PHACTR1: variants seen among roughly 807,000 people sequenced by gnomAD.
PHACTR1 encodes the protein phosphatase and actin regulator 1, also known as RPEL repeat containing 1.
PHACTR1 carries 16 observed loss-of-function variants against 69.2 expected under a neutral mutation model. The ratio of observed to expected loss-of-function variants is 0.23; its 90% CI spans 0.16 to 0.35. The LOEUF (loss-of-function observed/expected upper bound fraction) is 0.35, where lower values mean the gene tolerates loss of function less well. PHACTR1 is among the 10% of genes least tolerant of loss of function. The probability of loss-of-function intolerance (pLI) is 1.00; values close to 1 mark genes in which losing one functional copy is unlikely to be tolerated. For synonymous variants in PHACTR1, 312 were observed against 284.5 expected (o/e 1.10, Z -0.97); for missense variants, 510 against 734.7 (o/e 0.69, Z 3.54).
At chr6:13,006,905 C>T (rs1037060153) in intron 4 of PHACTR1, among the ~76,000 whole-genome samples, 1 of 152,218 alleles carries the variant, frequency 6.6e-6, no homozygotes, top group African/African-American at 2.4e-5. Flanking sequence ...AATGGCCCCA[C>T]TCACAAAGGG....
chr6:12,752,378 T>C (rs905795057), intron 4 of PHACTR1, among the ~76,000 whole-genome samples: 1 of 152,228 alleles, frequency 6.6e-6, no homozygotes, highest in African/African-American at 2.4e-5. Context: ...GATAATTTTG[T>C]TTATGTCTTA....
At chr6:12,741,698 T>A (rs951699035) in intron 3 of PHACTR1, among the ~76,000 whole-genome samples, 1 of 152,060 alleles carries the variant, frequency 6.6e-6, no homozygotes, top group Non-Finnish European at 1.5e-5. Flanking sequence ...TTTACTCTTA[T>A]TTGTCAAGAT....
chr6:13,196,342 G>A (rs1764409514), intron 7 of PHACTR1, among the ~76,000 whole-genome samples: 1 of 152,052 alleles, frequency 6.6e-6, no homozygotes, highest in South Asian at 2.1e-4. Context: ...ATCCCAGGAA[G>A]GTTAGATGTC....
chr6:12,781,631 G>A (rs1770833560), intron 4 of PHACTR1, among the ~76,000 whole-genome samples: 1 of 152,204 alleles, frequency 6.6e-6, no homozygotes, highest in South Asian at 2.1e-4. Context: ...CACAGGGAGG[G>A]AGATGCCACA....
chr6:13,142,152 A>G (rs1298151322), intron 5 of PHACTR1, among the ~76,000 whole-genome samples: 1 of 152,208 alleles, frequency 6.6e-6, no homozygotes, highest in Non-Finnish European at 1.5e-5. Context: ...GAAATTTAAG[A>G]AGAAAAAAGA....
At chr6:13,254,467 G>T (rs1774911439) in intron 10 of PHACTR1, among the ~76,000 whole-genome samples, 1 of 152,172 alleles carries the variant, frequency 6.6e-6, no homozygotes, top group South Asian at 2.1e-4. Flanking sequence ...GCCATTATCT[G>T]TCACTGTTGA....
At chr6:13,017,185 C>CAAAAAAA (rs5874397) in intron 4 of PHACTR1, among the ~76,000 whole-genome samples, 1 of 77,214 alleles carries the variant, frequency 1.3e-5, no homozygotes, top group African/African-American at 6.2e-5. Flanking sequence ...GACTCTGTCT[C>CAAAAAAA]AAAAAAAAAA....
At chr6:13,085,440 GA>G (rs548661687) in intron 5 of PHACTR1, among the ~76,000 whole-genome samples, 87 of 152,138 alleles carry the variant, frequency 5.7e-4, no homozygotes, top group African/African-American at 2.0e-3. Flanking sequence ...TTTTTTAGAA[GA>G]ATGCTAATTT....
At chr6:13,068,724 A>G (rs1320781546) in intron 5 of PHACTR1, among the ~76,000 whole-genome samples, 2 of 152,238 alleles carry the variant, frequency 1.3e-5, no homozygotes, top group African/African-American at 4.8e-5. Flanking sequence ...GTGAGCAAAC[A>G]CAATGGCCAC....
intron 5 of PHACTR1, among the ~76,000 whole-genome samples, chr6:13,138,888 A>G (rs978650107): frequency 7.9e-5 from 12 of 152,152 alleles, no homozygotes; most frequent in African/African-American, 2.9e-4. Context: ...GTCTCCTGAC[A>G]TTTTCTTGTT....
chr6:12,929,710 T>C (rs1017134545), intron 4 of PHACTR1, among the ~76,000 whole-genome samples: 2 of 152,224 alleles, frequency 1.3e-5, no homozygotes, highest in African/African-American at 4.8e-5. Context: ...CTGGAACTTC[T>C]TCACTGTGTT....
intron 7 of PHACTR1, among the ~76,000 whole-genome samples, chr6:13,200,612 G>T (rs987448206): frequency 6.6e-6 from 1 of 152,224 alleles, no homozygotes; most frequent in Non-Finnish European, 1.5e-5. Context: ...AAAGTAAGAG[G>T]CCAAGAGTTA....
intron 4 of PHACTR1, among the ~76,000 whole-genome samples, chr6:12,960,730 A>G (rs1012631526): frequency 1.3e-5 from 2 of 152,168 alleles, no homozygotes; most frequent in Admixed American, 6.5e-5. Flanking sequence ...CTCATCCTGA[A>G]TCTGATGGGC....
intron 4 of PHACTR1, among the ~76,000 whole-genome samples, chr6:12,915,462 A>G (rs900559015): frequency 2.8e-5 from 4 of 144,290 alleles, no homozygotes; most frequent in Non-Finnish European, 4.5e-5. Flanking sequence ...GGCTGAGATC[A>G]CTCCACTGCA....
At chr6:12,953,277 C>G (rs944284041) in intron 4 of PHACTR1, among the ~76,000 whole-genome samples, 32 of 152,212 alleles carry the variant, frequency 2.1e-4, no homozygotes, top group African/African-American at 7.0e-4. Context: ...GAGCCGAGAT[C>G]GCGGCACTGC....
intron 4 of PHACTR1, among the ~76,000 whole-genome samples, chr6:12,786,864 G>C (rs1400283653): frequency 6.6e-6 from 1 of 152,110 alleles, no homozygotes; most frequent in Admixed American, 6.5e-5. Context: ...CATAACTCCT[G>C]GTTAAATCAC....
chr6:13,164,513 C>T (rs562938995), intron 6 of PHACTR1, among the ~76,000 whole-genome samples: 1 of 152,298 alleles, frequency 6.6e-6, no homozygotes, highest in South Asian at 2.1e-4. Flanking sequence ...TCAGCCTGTC[C>T]ACCTGCATGC....
intron 4 of PHACTR1, among the ~76,000 whole-genome samples, chr6:12,829,717 G>A (rs1181277297): frequency 6.6e-6 from 1 of 151,898 alleles, no homozygotes; most frequent in Non-Finnish European, 1.5e-5. Flanking sequence ...CACTTTGGGA[G>A]GCCGAGATGG....
intron 7 of PHACTR1, among the ~76,000 whole-genome samples, chr6:13,187,342 G>A (rs1762950861): frequency 6.6e-6 from 1 of 152,206 alleles, no homozygotes; most frequent in Admixed American, 6.5e-5. Context: ...GCTGAAGCTT[G>A]AACTGACTTT....
Sources: allele counts gnomAD v4.1 joint callset (sites outside exome capture counted in the v4.1 genomes callset), GRCh38; gene constraint gnomAD v4.1.1; transcripts MANE v1.5; gene names NCBI Gene and HGNC (gene_info 2026-07-23, HGNC 2026-07-21).